PCSK5: variants seen among roughly 807,000 people sequenced by gnomAD.
PCSK5 encodes the protein proprotein convertase subtilisin/kexin type 5.
In PCSK5, 129 loss-of-function variants were observed where a neutral mutation model predicts 233.2. The ratio of observed to expected loss-of-function variants is 0.55; its 90% CI spans 0.48 to 0.64. The LOEUF (loss-of-function observed/expected upper bound fraction) is 0.64. Among genes scored for constraint, PCSK5 ranks in the 30% least tolerant of loss-of-function variants. The probability of loss-of-function intolerance (pLI) is 0.00; values close to 1 mark genes in which losing one functional copy is unlikely to be tolerated. For synonymous variants in PCSK5, 825 were observed against 879.2 expected (o/e 0.94, Z 1.09); for missense variants, 2,076 against 2,430.1 (o/e 0.85, Z 3.06).
chr9:76,317,616 T>C (rs1361109648), intron 30 of PCSK5, among the ~76,000 whole-genome samples: 1 of 152,226 alleles, frequency 6.6e-6, no homozygotes, highest in Non-Finnish European at 1.5e-5. Context: ...ACTCCTCGTA[T>C]TCATGCCCAC....
intron 5 of PCSK5, among the ~76,000 whole-genome samples, chr9:76,049,778 C>T (rs373728778): frequency 6.6e-6 from 1 of 152,292 alleles, no homozygotes; most frequent in Non-Finnish European, 1.5e-5. Context: ...GTTCAGTTTG[C>T]TTATGATCAG....
intron 3 of PCSK5, among the ~76,000 whole-genome samples, chr9:75,995,361 TG>T (rs1826968359): frequency 6.6e-6 from 1 of 152,200 alleles, no homozygotes. Flanking sequence ...GTGTGTTGAA[TG>T]AATGAATGGA....
intron 25 of PCSK5, 97 bp from the exon 26 acceptor site, chr9:76,295,178 A>G: frequency 8.7e-7 from 1 of 1,149,890 alleles, no homozygotes; most frequent in Middle Eastern, 2.2e-4. Context: ...AAAACGAAAC[A>G]AAAAACTCTG....
intron 16 of PCSK5, among the ~76,000 whole-genome samples, chr9:76,182,550 G>A (rs1823921135): frequency 1.3e-5 from 2 of 150,382 alleles, no homozygotes; most frequent in Admixed American, 1.3e-4. Context: ...TAATGAATAG[G>A]AGTAATTTGC....
intron 5 of PCSK5, among the ~76,000 whole-genome samples, chr9:76,037,292 C>A (rs1050546236): frequency 6.6e-6 from 1 of 152,120 alleles, no homozygotes; most frequent in African/African-American, 2.4e-5. Context: ...GAGAATGTCT[C>A]AGAGAAGCTG....
chr9:76,116,135 A>G (rs1365763562), intron 9 of PCSK5, among the ~76,000 whole-genome samples: 2 of 152,112 alleles, frequency 1.3e-5, no homozygotes, highest in African/African-American at 4.8e-5. Flanking sequence ...TGACAGATTG[A>G]AAGCATGTCA....
At chr9:76,020,031 T>C (rs1046131957) in intron 3 of PCSK5, among the ~76,000 whole-genome samples, 7 of 152,244 alleles carry the variant, frequency 4.6e-5, no homozygotes, top group African/African-American at 1.7e-4. Flanking sequence ...TCAAATATGC[T>C]GGAAATTTCT....
At chr9:76,269,040 G>T (rs1048237472) in intron 24 of PCSK5, among the ~76,000 whole-genome samples, 25 of 152,284 alleles carry the variant, frequency 1.6e-4, no homozygotes, top group Non-Finnish European at 3.4e-4. Context: ...TGCCAGGCAG[G>T]TACCATGGTC....
chr9:76,302,361 A>T (rs1564167879), intron 28 of PCSK5, 144 bp downstream of exon 28: 1 of 334,640 alleles, frequency 3.0e-6, no homozygotes, highest in East Asian at 8.9e-5. Context: ...AAAGTTGGAG[A>T]CAGGAGGGGC....
chr9:76,106,083 C>T (rs1347148807), intron 8 of PCSK5, among the ~76,000 whole-genome samples: 1 of 152,246 alleles, frequency 6.6e-6, no homozygotes, highest in Non-Finnish European at 1.5e-5. Context: ...GAAGGAAGCA[C>T]TTTGAAGGAG....
intron 24 of PCSK5, among the ~76,000 whole-genome samples, chr9:76,272,588 C>T (rs1281155672): frequency 6.6e-6 from 1 of 151,630 alleles, no homozygotes; most frequent in Non-Finnish European, 1.5e-5. Flanking sequence ...TCCTGGCCAA[C>T]ATAGTGAAAC....
At chr9:76,221,645 G>A (rs1307107375) in intron 20 of PCSK5, among the ~76,000 whole-genome samples, 2 of 152,106 alleles carry the variant, frequency 1.3e-5, no homozygotes, top group South Asian at 2.1e-4. Context: ...CACTTTGGAT[G>A]TACTTTTTTA....
chr9:76,355,210 C>T (rs944536735), intron 37 of PCSK5, among the ~76,000 whole-genome samples: 1 of 152,162 alleles, frequency 6.6e-6, no homozygotes, highest in Non-Finnish European at 1.5e-5. Context: ...CGGTGGCTCA[C>T]GCCTGTAATC....
intron 20 of PCSK5, among the ~76,000 whole-genome samples, chr9:76,217,542 A>G (rs772911435): frequency 6.6e-6 from 1 of 152,226 alleles, no homozygotes; most frequent in African/African-American, 2.4e-5. Flanking sequence ...AGGTTATGGA[A>G]CTTGCCCAAG....
intron 24 of PCSK5, among the ~76,000 whole-genome samples, chr9:76,260,772 A>G (rs1827146997): frequency 6.6e-6 from 1 of 152,144 alleles, no homozygotes; most frequent in Non-Finnish European, 1.5e-5. Flanking sequence ...GACATAATAA[A>G]TTTTTATGTT....
intron 20 of PCSK5, among the ~76,000 whole-genome samples, chr9:76,225,620 T>C (rs1018634198): frequency 6.6e-6 from 1 of 152,054 alleles, no homozygotes; most frequent in Non-Finnish European, 1.5e-5. Context: ...GTGGAAGCCA[T>C]AAATAAGAGG....
At chr9:76,303,889 G>T (rs866922860) in intron 28 of PCSK5, among the ~76,000 whole-genome samples, 1 of 152,114 alleles carries the variant, frequency 6.6e-6, no homozygotes, top group Non-Finnish European at 1.5e-5. Context: ...GAAAACCAGG[G>T]GGCTGGCTGC....
intron 17 of PCSK5, among the ~76,000 whole-genome samples, chr9:76,186,239 A>G (rs1824098388): frequency 6.6e-6 from 1 of 152,206 alleles, no homozygotes; most frequent in Non-Finnish European, 1.5e-5. Flanking sequence ...CAATTCAGAC[A>G]AAATTGTTTT....
intron 4 of PCSK5, 107 bp from the exon 5 acceptor site, chr9:76,026,854 A>G: frequency 2.7e-6 from 2 of 732,310 alleles, no homozygotes; most frequent in Non-Finnish European, 4.7e-6. Flanking sequence ...TAGTTAACCT[A>G]ATTACTTTCT....
Sources: allele counts gnomAD v4.1 joint callset (sites outside exome capture counted in the v4.1 genomes callset), GRCh38; gene constraint gnomAD v4.1.1; transcripts MANE v1.5; gene names NCBI Gene and HGNC (gene_info 2026-07-23, HGNC 2026-07-21).